Variants in DUOXA1 observed in about 807,000 individuals in gnomAD.
The protein encoded by DUOXA1 is dual oxidase activator 1.
Under a neutral mutation model 26.6 loss-of-function variants are expected in DUOXA1, and 19 were observed. The observed-to-expected ratio is 0.71, with a 90% CI of 0.50 to 1.05. The LOEUF is 1.05. DUOXA1 is among the 50% of genes least tolerant of loss of function. The pLI, the probability that DUOXA1 is intolerant of heterozygous loss-of-function variation, is 0.00. For synonymous variants in DUOXA1, 166 were observed against 177.0 expected, an observed-to-expected ratio of 0.94 and a Z score of 0.49; for missense variants, 403 against 427.5, an observed-to-expected ratio of 0.94 and a Z score of 0.51.
chr15:45,127,818 C>T (rs755424449), intron 3 of DUOXA1, among the ~76,000 whole-genome samples: 3 of 152,164 alleles, frequency 2.0e-5, no homozygotes, highest in Non-Finnish European at 2.9e-5. Flanking sequence ...ACCTCATCAC[C>T]ATGACTAGGA....
At chr15:45,125,024 C>G (rs1227960725) in intron 3 of DUOXA1, among the ~76,000 whole-genome samples, 1 of 152,192 alleles carries the variant, frequency 6.6e-6, no homozygotes, top group Non-Finnish European at 1.5e-5. Flanking sequence ...CTTCCTCTCT[C>G]CTTCTAAGCT....
rs1049265294 is a variant in DUOXA1 at position 45,119,223 on chromosome 15, G to A, written c.915C>T (p.Pro305=). The change falls in exon 9 of 9, where the codon CCC becomes CCT. Residue 305 remains proline (P), a synonymous_variant. Transcript: ENST00000560572. ...WSPEEGGLLS[P]RYRSMADSPK... Reference sequence around the variant, plus strand: ...GACTGTCAGCCATGGACCGGTAGCGGGGGCTCAGGAGTCCACCTTCCTCAG... The same window carrying A: ...GACTGTCAGCCATGGACCGGTAGCGAGGGCTCAGGAGTCCACCTTCCTCAG... The A allele has an allele frequency of 5.8e-5, 94 of 1,614,146 alleles. No individual in the cohort carries two copies. Among genetic ancestry groups the A allele is most frequent in the Non-Finnish European group, 7.7e-5 (91 of 1,180,012 alleles).
chr15:45,124,182 T>C (rs953022334), intron 3 of DUOXA1, among the ~76,000 whole-genome samples: 1 of 152,232 alleles, frequency 6.6e-6, no homozygotes, highest in Non-Finnish European at 1.5e-5. Context: ...AGCGTTATAA[T>C]GAAAGAATAA....
chr15:45,120,375 A>G, intron 7 of DUOXA1, 55 bp from the exon 8 acceptor site: 1 of 1,605,402 alleles, frequency 6.2e-7, no homozygotes, highest in East Asian at 2.2e-5. Flanking sequence ...CTGCTGGTGA[A>G]TTTGGATGGG....
chr15:45,127,255 A>G (rs1378790939), intron 3 of DUOXA1, among the ~76,000 whole-genome samples: 1 of 152,250 alleles, frequency 6.6e-6, no homozygotes, highest in African/African-American at 2.4e-5. Context: ...ATATATGTGA[A>G]TAAGAGATAA....
Position 45,120,730 on chromosome 15 carries a change from G to T in DUOXA1, c.416C>A (p.Ala139Asp). Residue 139 changes from alanine (A) to aspartate (D), a missense_variant, in exon 7 of 9, where the codon GCT (alanine) becomes GAT (aspartate). Physicochemically the swap from Ala to Asp is moderately radical, Grantham distance 126 (BLOSUM62 -2). Coordinates refer to ENST00000560572, the MANE Select transcript of DUOXA1 (RefSeq NM_001276266.2). Reference sequence around the variant, plus strand: ...CTCCAGAGCCTTTGCATACTCCTCAGCATAGTTCTCACCCAGGCGCCAGGT... The same window carrying T: ...CTCCAGAGCCTTTGCATACTCCTCATCATAGTTCTCACCCAGGCGCCAGGT... The part of the protein sequence containing the change: ...EFTWRLGENY[A>D]EEYAKALEKG... 1 of 1,614,102 alleles carries T rather than the reference G, an allele frequency of 6.2e-7. No individual in the cohort carries two copies. Among genetic ancestry groups the T allele is most frequent in the East Asian group, 2.2e-5 (1 of 44,878 alleles).
Position 45,120,704 on chromosome 15 carries a change from T to C in DUOXA1, c.442A>G (p.Lys148Glu). 6.2e-7 allele frequency: 1 copy of C among 1,613,982 alleles called. No homozygotes were observed. Among genetic ancestry groups the C allele is most frequent in the Non-Finnish European group, 8.5e-7 (1 of 1,179,970 alleles). Residue 148 changes from lysine (K) to glutamate (E), a missense_variant, in exon 7 of 9, where the codon AAG becomes GAG. Transcript: ENST00000560572. ...YAEEYAKALE[K>E]GLPDPVLYLA... Reference sequence around the variant, plus strand: ...TACAACACAGGGTCTGGCAGCCCCTTCTCCAGAGCCTTTGCATACTCCTCA... The same window carrying C: ...TACAACACAGGGTCTGGCAGCCCCTCCTCCAGAGCCTTTGCATACTCCTCA...
chr15:45,123,797 G>A (rs953011281), intron 3 of DUOXA1, among the ~76,000 whole-genome samples: 23 of 152,308 alleles, frequency 1.5e-4, no homozygotes, highest in African/African-American at 3.4e-4. Flanking sequence ...CAGCTCAAAC[G>A]CTAGCTGTGG....
At chr15:45,127,067 T>A (rs1439910541) in intron 3 of DUOXA1, among the ~76,000 whole-genome samples, 1 of 152,274 alleles carries the variant, frequency 6.6e-6, no homozygotes, top group East Asian at 1.9e-4. Context: ...AGATGTTTAC[T>A]GACGTAAGAA....
intron 3 of DUOXA1, 195 bp downstream of exon 3, chr15:45,128,823 C>T (rs1895909117): frequency 6.6e-6 from 1 of 152,154 alleles, no homozygotes; most frequent in Non-Finnish European, 1.5e-5. Flanking sequence ...TTCCTTGCCT[C>T]CCCAGTTTCT....
chr15:45,120,736 T>G lies in DUOXA1; in HGVS notation c.410A>C (p.Asn137Thr). 1 of 1,614,056 alleles carries G rather than the reference T, an allele frequency of 6.2e-7. No individual in the cohort carries two copies. The highest frequency in any genetic ancestry group is 8.5e-7 in the Non-Finnish European group (1 of 1,179,966). The change falls in exon 7 of 9, where the codon AAC becomes ACC. Residue 137 changes from asparagine to threonine, a missense_variant. Asn to Thr is a moderately conservative substitution (Grantham distance 65). Coordinates refer to ENST00000560572, the MANE Select transcript of DUOXA1 (RefSeq NM_001276266.2). ...AGCCTTTGCATACTCCTCAGCATAG[T>G]TCTCACCCAGGCGCCAGGTGAACTC... Reference protein sequence around the residue: ...NEEFTWRLGENYAEEYAKALE... With the variant: ...NEEFTWRLGETYAEEYAKALE...
At position 45,123,010 on chromosome 15, in the gene DUOXA1, G is replaced by A. The variant is rs1456045385; in HGVS notation, c.5C>T (p.Ala2Val). 3.7e-6 allele frequency: 6 copies of A among 1,609,132 alleles called. No individual in the cohort carries two copies. The highest frequency in any genetic ancestry group is 1.7e-4 in the Middle Eastern group (1 of 5,994). Reference sequence around the variant, plus strand: ...GAAGGGGAATGTGTGTCCCAAAGTAGCCATCTTGGTGAGGTGGTGCAGGGG... The same window carrying A: ...GAAGGGGAATGTGTGTCCCAAAGTAACCATCTTGGTGAGGTGGTGCAGGGG... M[A>V]TLGHTFPFYA... The change falls in exon 4 of 9, where the codon GCT (alanine) becomes GTT (valine). Residue 2 changes from alanine to valine, a missense_variant. By Grantham distance (64) the Ala-to-Val change is moderately conservative. Coordinates refer to ENST00000560572, the MANE Select transcript of DUOXA1 (RefSeq NM_001276266.2).
At chr15:45,123,660 G>A (rs898695152) in intron 3 of DUOXA1, among the ~76,000 whole-genome samples, 3 of 152,244 alleles carry the variant, frequency 2.0e-5, no homozygotes, top group Non-Finnish European at 4.4e-5. Context: ...GCTTCACTGA[G>A]TTCACCTAAA....
Position 45,117,499 on chromosome 15 carries a change from C to T in DUOXA1, c.*1607G>A. On this transcript the variant is annotated 3_prime_UTR_variant, in exon 9 of 9. Coordinates refer to ENST00000560572, the MANE Select transcript of DUOXA1 (RefSeq NM_001276266.2). ...GGGCTCAGAAGGGTTTGGTGTCTTGCCGTGTTTCATGTAATTCAGATTAGA... is the reference window on the plus strand; with the variant it reads ...GGGCTCAGAAGGGTTTGGTGTCTTGTCGTGTTTCATGTAATTCAGATTAGA... 6.4e-7 allele frequency: 1 copy of T among 1,552,556 alleles called. No individual in the cohort carries two copies. Among genetic ancestry groups the T allele is most frequent in the Non-Finnish European group, 8.7e-7 (1 of 1,147,298 alleles).
Position 45,118,109 on chromosome 15 carries a change from G to GT in DUOXA1, c.*996dup. The GT allele has an allele frequency of 1.3e-6, 2 of 1,483,538 alleles. No individual in the cohort carries two copies. Among genetic ancestry groups the GT allele is most frequent in the Non-Finnish European group, 1.8e-6 (2 of 1,121,730 alleles). 91.9% of individuals were successfully genotyped at this position (1,483,538 alleles called of 1,614,324 possible). On this transcript the variant is annotated 3_prime_UTR_variant, in exon 9 of 9. Transcript: ENST00000560572. ...TTTTTTCTTTTGTTTTTTAAAAACTGTTTTTCCCATTAATTTTCATGGCTT... is the reference window on the plus strand; with the variant it reads ...TTTTTTCTTTTGTTTTTTAAAAACTGTTTTTTCCCATTAATTTTCATGGCTT...
Position 45,118,313 on chromosome 15 carries a change from A to G in DUOXA1, c.*793T>C, listed in dbSNP as rs1217518075. ...CATCTTTCTGAACCACCCCAGGGGG[A>G]CGTTAGGTGGCAGTGATGAGGCAGG... is the stretch of plus-strand genomic sequence containing the variant. On this transcript the variant is annotated 3_prime_UTR_variant, in exon 9 of 9. Transcript: ENST00000560572. 3.2e-6 allele frequency: 4 copies of G among 1,241,442 alleles called. No homozygotes were observed. The East Asian group carries it at 1.0e-4, about 32-fold the overall frequency. 76.9% of individuals were successfully genotyped at this position (1,241,442 alleles called of 1,614,324 possible).
chr15:45,120,573 G>T lies in DUOXA1; in HGVS notation c.554+19C>A, dbSNP rs374636586. ...TCTAGGCTACCAGGGCCTCCACCCC[G>T]TCTCCTTCCCATCCTCACCATAGCA... On this transcript the variant is annotated intron_variant, in intron 7 of 8. Coordinates refer to ENST00000560572, the MANE Select transcript of DUOXA1 (RefSeq NM_001276266.2). 6.2e-7 allele frequency: 1 copy of T among 1,612,770 alleles called. No homozygotes were observed. Among genetic ancestry groups the T allele is most frequent in the South Asian group, 1.1e-5 (1 of 91,048 alleles).
intron 8 of DUOXA1, 134 bp downstream of exon 8, chr15:45,119,969 G>A: frequency 2.1e-6 from 2 of 930,604 alleles, no homozygotes; most frequent in East Asian, 2.5e-5. Context: ...AGATACAAGA[G>A]GGTGGGACTT....
Position 45,118,830 on chromosome 15 carries a change from G to A in DUOXA1, c.*276C>T. 8.6e-7 allele frequency: 1 copy of A among 1,162,204 alleles called. No homozygotes were observed. Among genetic ancestry groups the A allele is most frequent in the South Asian group, 3.9e-5 (1 of 25,968 alleles). The allele number at this position is 1,162,204 out of a possible 1,614,324, so 72.0% of individuals were successfully genotyped here. On this transcript the variant is annotated 3_prime_UTR_variant, in exon 9 of 9. Coordinates refer to ENST00000560572, the MANE Select transcript of DUOXA1 (RefSeq NM_001276266.2). The stretch of plus-strand genomic sequence containing the variant: ...TTGAAGAGGCAAGGCAGCACGGAAA[G>A]GCTGGGTTGCTGTGCAGATAAGCTA...
Sources: allele counts gnomAD v4.1 joint callset (sites outside exome capture counted in the v4.1 genomes callset), GRCh38; gene constraint gnomAD v4.1.1; transcripts MANE v1.5; gene names NCBI Gene and HGNC (gene_info 2026-07-23, HGNC 2026-07-21).